NDRG3: variants seen among roughly 807,000 people sequenced by gnomAD.
NDRG3 encodes the protein protein NDRG3.
Under a neutral mutation model 57.2 loss-of-function variants are expected in NDRG3, and 23 were observed. The ratio of observed to expected loss-of-function variants is 0.40; its 90% CI spans 0.29 to 0.57. The LOEUF (loss-of-function observed/expected upper bound fraction) is 0.57. NDRG3 is among the 20% of genes least tolerant of loss of function. NDRG3 has a pLI of 0.42. For missense variants in NDRG3, 384 were observed against 457.3 expected (o/e 0.84, Z 1.46); for synonymous variants, 132 against 162.6 (o/e 0.81, Z 1.43).
chr20:36,715,052 ATATTATATT>A (rs1984188079), intron 2 of NDRG3, among the ~76,000 whole-genome samples: 1 of 108,666 alleles, frequency 9.2e-6, no homozygotes, highest in African/African-American at 3.4e-5. Flanking sequence ...ATATATATAT[ATATTATATT>A]TAAGTATCTA....
chr20:36,699,488 G>A (rs1386666691), intron 3 of NDRG3, among the ~76,000 whole-genome samples: 1 of 152,124 alleles, frequency 6.6e-6, no homozygotes, highest in Non-Finnish European at 1.5e-5. Flanking sequence ...GAGAGCGTCC[G>A]ACAACTTGTC....
chr20:36,660,645 C>T (rs1257217967), intron 12 of NDRG3, among the ~76,000 whole-genome samples: 1 of 151,530 alleles, frequency 6.6e-6, no homozygotes, highest in Non-Finnish European at 1.5e-5. Flanking sequence ...ACTGCAAGCT[C>T]CGCCTCCCGG....
intron 1 of NDRG3, among the ~76,000 whole-genome samples, chr20:36,724,590 T>C (rs1160144120): frequency 6.6e-6 from 1 of 152,224 alleles, no homozygotes; most frequent in Non-Finnish European, 1.5e-5. Flanking sequence ...GGCTACTTTT[T>C]ATTTGAACTT....
At chr20:36,664,771 C>T (rs1979478252) in intron 12 of NDRG3, among the ~76,000 whole-genome samples, 1 of 152,008 alleles carries the variant, frequency 6.6e-6, no homozygotes, top group Non-Finnish European at 1.5e-5. Flanking sequence ...CTCACTGCAG[C>T]CTTGACCTCC....
At chr20:36,704,298 A>C (rs950817969) in intron 3 of NDRG3, among the ~76,000 whole-genome samples, 5 of 151,888 alleles carry the variant, frequency 3.3e-5, no homozygotes, top group African/African-American at 1.2e-4. Context: ...GCTGGTCTTG[A>C]ACTCCTGACC....
chr20:36,721,545 G>A, intron 2 of NDRG3, 134 bp downstream of exon 2: 1 of 581,112 alleles, frequency 1.7e-6, no homozygotes, highest in Non-Finnish European at 3.0e-6. Flanking sequence ...AAAAGAAATA[G>A]ATTTTTAAAG....
At chr20:36,677,200 G>C (rs899837903) in intron 8 of NDRG3, among the ~76,000 whole-genome samples, 2 of 152,198 alleles carry the variant, frequency 1.3e-5, no homozygotes, top group East Asian at 3.9e-4. Context: ...CGTAGGACTG[G>C]GGCATCTCTG....
In NDRG3 at chr20:36,653,226, T is replaced by C. The variant is rs1315295829; in HGVS notation, c.*294A>G. The C allele has an allele frequency of 3.4e-6, 1 of 294,396 alleles. No homozygotes were observed. Among genetic ancestry groups the C allele is most frequent in the Non-Finnish European group, 6.3e-6 (1 of 157,770 alleles). The allele number at this position is 294,396 out of a possible 1,614,324, so 18.2% of individuals were successfully genotyped here. A position where few individuals can be genotyped will look rare whatever the true frequency, so the allele number is the denominator to read the frequency against. On this transcript the variant is annotated 3_prime_UTR_variant, in exon 16 of 16. Transcript: ENST00000349004. The surrounding 1 kb of genome is among the most constrained non-coding windows in gnomAD (Gnocchi z 4.2). The stretch of plus-strand genomic sequence containing the variant: ...CACACAGAGTCGGGATCAAAGAATC[T>C]TATCTGATACATAGTTGGGGGAGCA...
intron 8 of NDRG3, among the ~76,000 whole-genome samples, chr20:36,677,395 T>C (rs148707860): frequency 6.6e-6 from 1 of 152,302 alleles, no homozygotes; most frequent in South Asian, 2.1e-4. Context: ...TCAGGACTTG[T>C]GGCACCTCTT....
chr20:36,719,403 G>C (rs1006485866), intron 2 of NDRG3, among the ~76,000 whole-genome samples: 1 of 147,460 alleles, frequency 6.8e-6, no homozygotes, highest in African/African-American at 2.5e-5. Flanking sequence ...CTCGAGCCTG[G>C]TGACAGAGCA....
intron 3 of NDRG3, among the ~76,000 whole-genome samples, chr20:36,691,595 C>G (rs907076420): frequency 6.6e-6 from 1 of 152,092 alleles, no homozygotes; most frequent in South Asian, 2.1e-4. Flanking sequence ...TGCCTGTAAT[C>G]CCAGCTACTT....
In NDRG3 at chr20:36,671,329, A is replaced by G; in HGVS notation, c.588+12T>C. The G allele has an allele frequency of 6.2e-7, 1 of 1,609,674 alleles. No individual in the cohort carries two copies. The highest frequency in any genetic ancestry group is 8.5e-7 in the Non-Finnish European group (1 of 1,176,412). On this transcript the variant is annotated intron_variant, in intron 9 of 15. Transcript: ENST00000349004. ...AATAAACACAGCTCTTCTGGGTGGA[A>G]CAGGTACTTACCTGCCCAAAGTGAT... is the stretch of plus-strand genomic sequence containing the variant.
chr20:36,733,083 G>A (rs1267188194), intron 1 of NDRG3, among the ~76,000 whole-genome samples: 9 of 143,126 alleles, frequency 6.3e-5, no homozygotes, highest in Non-Finnish European at 1.3e-4. Flanking sequence ...GAAGGTGAAG[G>A]CTACAGCAAG....
rs555052897 is a variant in NDRG3 at position 36,695,611 on chromosome 20, G to C, written c.94-6827C>G. 2.0e-5 allele frequency among the ~76,000 whole-genome samples: 3 copies of C among 152,294 alleles called. No homozygotes were observed. The South Asian group carries it at 6.2e-4, about 32-fold the overall frequency. ...ATGAAACACGTCCTGGTCTCCTGCA[G>C]CGCCCCCAGGCTTGCTAGGATTAGG... On this transcript the variant is annotated intron_variant, in intron 3 of 15. Coordinates refer to ENST00000349004, the MANE Select transcript of NDRG3 (RefSeq NM_032013.4).
intron 2 of NDRG3, among the ~76,000 whole-genome samples, chr20:36,707,511 A>G (rs999149162): frequency 6.6e-6 from 1 of 152,228 alleles, no homozygotes; most frequent in Non-Finnish European, 1.5e-5. Context: ...CTAACAGAGA[A>G]GAAAGGCAGT....
chr20:36,703,315 G>C (rs944809969), intron 3 of NDRG3, among the ~76,000 whole-genome samples: 1 of 151,644 alleles, frequency 6.6e-6, no homozygotes, highest in Admixed American at 6.6e-5. Context: ...TATCTATATA[G>C]TTTACATGTA....
intron 3 of NDRG3, among the ~76,000 whole-genome samples, chr20:36,696,592 CA>C (rs746162378): frequency 6.6e-6 from 1 of 152,016 alleles, no homozygotes; most frequent in Non-Finnish European, 1.5e-5. Flanking sequence ...CTCCCGGGTT[CA>C]AGTGATTCCC....
chr20:36,713,477 G>A (rs1465521661), intron 2 of NDRG3, among the ~76,000 whole-genome samples: 1 of 152,146 alleles, frequency 6.6e-6, no homozygotes, highest in African/African-American at 2.4e-5. Flanking sequence ...TCAAAAACAA[G>A]TCATTGCTAG....
At chr20:36,674,274 A>G (rs1980449206) in intron 8 of NDRG3, among the ~76,000 whole-genome samples, 1 of 151,752 alleles carries the variant, frequency 6.6e-6, no homozygotes, top group Non-Finnish European at 1.5e-5. Flanking sequence ...ATCTTGACTC[A>G]CTGCAAACTT....
Sources: allele counts gnomAD v4.1 joint callset (sites outside exome capture counted in the v4.1 genomes callset), GRCh38; gene constraint gnomAD v4.1.1; non-coding constraint Gnocchi (gnomAD v3.1); transcripts MANE v1.5; gene names NCBI Gene and HGNC (gene_info 2026-07-23, HGNC 2026-07-21).